The following RBFOX1 variants were observed in gnomAD, a reference collection of about 807,000 sequenced individuals.
RBFOX1 encodes the protein RNA binding protein fox-1 homolog 1.
Under a neutral mutation model 57.7 loss-of-function variants are expected in RBFOX1, and 8 were observed. The ratio of observed to expected loss-of-function variants is 0.14; its 90% CI spans 0.08 to 0.25. RBFOX1 has a LOEUF of 0.25. Among genes scored for constraint, RBFOX1 ranks in the 10% least tolerant of loss-of-function variants. The pLI is 1.00. For synonymous variants in RBFOX1, 326 were observed against 222.4 expected (o/e 1.47, Z -4.15); for missense variants, 611 against 548.5 (o/e 1.11, Z -1.14).
intron 1 of RBFOX1, among the ~76,000 whole-genome samples, chr16:5,335,050 A>C (rs548256401): frequency 5.9e-5 from 9 of 152,296 alleles, no homozygotes; most frequent in African/African-American, 2.2e-4. Flanking sequence ...GATTCCAAAA[A>C]AAGTTGTTTC....
At chr16:5,819,158 G>A (rs1251710221) in intron 3 of RBFOX1, among the ~76,000 whole-genome samples, 2 of 152,206 alleles carry the variant, frequency 1.3e-5, no homozygotes, top group Non-Finnish European at 2.9e-5. Flanking sequence ...CGGTTCTGGA[G>A]GCTGGGAAGT....
chr16:5,271,940 T>A (rs1198573545), intron 1 of RBFOX1, among the ~76,000 whole-genome samples: 9 of 152,254 alleles, frequency 5.9e-5, no homozygotes, highest in African/African-American at 2.2e-4. Context: ...CTTTCTTTTT[T>A]AAGGGTTAAT....
intron 4 of RBFOX1, among the ~76,000 whole-genome samples, chr16:7,316,568 A>G (rs1432829042): frequency 6.6e-6 from 1 of 152,186 alleles, no homozygotes; most frequent in African/African-American, 2.4e-5. Context: ...GCTTTTCTTC[A>G]TGGAGGTTAC....
At chr16:5,770,428 A>G (rs1296807896) in intron 3 of RBFOX1, among the ~76,000 whole-genome samples, 1 of 152,168 alleles carries the variant, frequency 6.6e-6, no homozygotes, top group African/African-American at 2.4e-5. Flanking sequence ...AAAGGGGAGG[A>G]ACCCTTGGTT....
At chr16:5,733,247 G>A (rs1023090982) in intron 3 of RBFOX1, among the ~76,000 whole-genome samples, 1 of 152,128 alleles carries the variant, frequency 6.6e-6, no homozygotes, top group Admixed American at 6.5e-5. Flanking sequence ...TTTCACTTTG[G>A]CTTGTGAGAA....
chr16:6,554,715 A>G (rs533265204), intron 2 of RBFOX1, among the ~76,000 whole-genome samples: 1 of 130,616 alleles, frequency 7.7e-6, no homozygotes, highest in South Asian at 2.8e-4. Context: ...TCTGGCCTCC[A>G]GTAGACACAG....
intron 1 of RBFOX1, among the ~76,000 whole-genome samples, chr16:5,283,613 T>C (rs1343703962): frequency 6.6e-6 from 1 of 152,148 alleles, no homozygotes; most frequent in Non-Finnish European, 1.5e-5. Flanking sequence ...GGAGATCATT[T>C]TGGAGCTTTG....
intron 4 of RBFOX1, among the ~76,000 whole-genome samples, chr16:5,957,207 TTTTTTC>T (rs1317362119): frequency 2.6e-5 from 4 of 152,130 alleles, no homozygotes; most frequent in Non-Finnish European, 5.9e-5. Context: ...ACAATTTATT[TTTTTTC>T]TTTTTCTTTT....
At chr16:7,668,176 C>A (rs976434523) in intron 13 of RBFOX1, among the ~76,000 whole-genome samples, 2 of 152,176 alleles carry the variant, frequency 1.3e-5, no homozygotes, top group African/African-American at 4.8e-5. Flanking sequence ...TCCCCTCCCC[C>A]GTCCTTTGTT....
intron 1 of RBFOX1, among the ~76,000 whole-genome samples, chr16:6,280,347 C>T (rs769748274): frequency 9.2e-5 from 14 of 152,158 alleles, no homozygotes; most frequent in Admixed American, 4.6e-4. Context: ...TTTCCTCTCT[C>T]TTCCTTTTTT....
intron 4 of RBFOX1, among the ~76,000 whole-genome samples, chr16:5,961,131 C>T (rs1216020369): frequency 6.6e-6 from 1 of 152,070 alleles, no homozygotes; most frequent in Non-Finnish European, 1.5e-5. Flanking sequence ...AATATCCATT[C>T]CCTTCTCATT....
chr16:7,300,675 A>G (rs2096009930), intron 4 of RBFOX1, among the ~76,000 whole-genome samples: 1 of 152,208 alleles, frequency 6.6e-6, no homozygotes, highest in Non-Finnish European at 1.5e-5. Flanking sequence ...ATAAATAGTT[A>G]TGAAAATGAG....
At chr16:6,419,411 G>A (rs2093713911) in intron 2 of RBFOX1, among the ~76,000 whole-genome samples, 1 of 152,164 alleles carries the variant, frequency 6.6e-6, no homozygotes, top group Admixed American at 6.5e-5. Flanking sequence ...TCACTCACGT[G>A]TGTCTCTAAG....
At chr16:5,604,070 C>T (rs1767347058), downstream of RBFOX1, among the ~76,000 whole-genome samples, 3 of 152,184 alleles carry the variant, frequency 2.0e-5, no homozygotes, top group East Asian at 1.9e-4. Context: ...TGGTGTCACT[C>T]TCCCCTTCTA....
At chr16:5,553,484 T>G (rs1597497289) in intron 2 of RBFOX1, among the ~76,000 whole-genome samples, 1 of 151,958 alleles carries the variant, frequency 6.6e-6, no homozygotes, top group East Asian at 2.0e-4. Flanking sequence ...CCTGGCTAAT[T>G]TTTTGTATTT....
intron 11 of RBFOX1, among the ~76,000 whole-genome samples, chr16:7,650,664 T>C (rs575875878): frequency 3.3e-5 from 5 of 152,346 alleles, no homozygotes; most frequent in Admixed American, 6.5e-5. Context: ...AGAGGGAGCT[T>C]GTCTGGCTCA....
chr16:7,001,033 G>C (rs1051477167), intron 3 of RBFOX1, among the ~76,000 whole-genome samples: 2 of 152,068 alleles, frequency 1.3e-5, no homozygotes, highest in Non-Finnish European at 2.9e-5. Context: ...TTATTAGATA[G>C]AATACTTGTA....
intron 4 of RBFOX1, among the ~76,000 whole-genome samples, chr16:7,343,851 C>G (rs958986927): frequency 6.6e-6 from 1 of 152,096 alleles, no homozygotes; most frequent in Non-Finnish European, 1.5e-5. Context: ...TAGTCACCCT[C>G]TTTGAGTGGT....
chr16:6,459,544 C>T (rs1447746039), intron 2 of RBFOX1, among the ~76,000 whole-genome samples: 1 of 152,132 alleles, frequency 6.6e-6, no homozygotes, highest in Non-Finnish European at 1.5e-5. Context: ...CTCTATATCT[C>T]ATCTCAAAGA....
Sources: allele counts gnomAD v4.1 joint callset (sites outside exome capture counted in the v4.1 genomes callset), GRCh38; gene constraint gnomAD v4.1.1; transcripts MANE v1.5; gene names NCBI Gene and HGNC (gene_info 2026-07-23, HGNC 2026-07-21).